CNTNAP5: variants seen among roughly 807,000 people sequenced by gnomAD.
The protein encoded by CNTNAP5 is contactin-associated protein-like 5.
In CNTNAP5, 72 loss-of-function variants were observed where a neutral mutation model predicts 150.2. The ratio of observed to expected loss-of-function variants is 0.48; its 90% CI spans 0.40 to 0.58. The LOEUF (loss-of-function observed/expected upper bound fraction) is 0.58, where lower values mean the gene tolerates loss of function less well. Ranked by LOEUF, CNTNAP5 falls within the 20% of genes least tolerant of loss-of-function variation. The pLI, the probability that CNTNAP5 is intolerant of heterozygous loss-of-function variation, is 0.00. For missense variants in CNTNAP5, 1,636 were observed against 1,626.2 expected, an observed-to-expected ratio of 1.01 and a Z score of -0.10; for synonymous variants, 672 against 619.8, an observed-to-expected ratio of 1.08 and a Z score of -1.25.
chr2:124,297,519 T>C (rs1688464293), intron 3 of CNTNAP5, among the ~76,000 whole-genome samples: 1 of 152,136 alleles, frequency 6.6e-6, no homozygotes, highest in Admixed American at 6.5e-5. Flanking sequence ...TTTTTTCCAA[T>C]CAAAAAGTTC....
At chr2:124,780,628 T>C (rs966062410) in intron 17 of CNTNAP5, among the ~76,000 whole-genome samples, 2 of 152,256 alleles carry the variant, frequency 1.3e-5, no homozygotes, top group Non-Finnish European at 2.9e-5. Flanking sequence ...TTCTCACTGC[T>C]ATTATTTTCC....
At chr2:124,648,619 T>C (rs1678255460) in intron 13 of CNTNAP5, among the ~76,000 whole-genome samples, 1 of 152,170 alleles carries the variant, frequency 6.6e-6, no homozygotes, top group Non-Finnish European at 1.5e-5. Flanking sequence ...ATTTAGTTAT[T>C]AACATGCTTT....
chr2:124,142,359 A>G (rs374899737), intron 1 of CNTNAP5, among the ~76,000 whole-genome samples: 1 of 150,216 alleles, frequency 6.7e-6, no homozygotes, highest in South Asian at 2.1e-4. Context: ...ACCACACCAC[A>G]CCTATTCCAA....
At chr2:124,662,353 G>A (rs1338906536) in intron 13 of CNTNAP5, among the ~76,000 whole-genome samples, 4 of 152,092 alleles carry the variant, frequency 2.6e-5, no homozygotes, top group Admixed American at 1.3e-4. Context: ...CAATAATAGG[G>A]TTGTTGGGTC....
At chr2:124,656,871 C>T (rs995975754) in intron 13 of CNTNAP5, among the ~76,000 whole-genome samples, 4 of 152,134 alleles carry the variant, frequency 2.6e-5, no homozygotes, top group Non-Finnish European at 4.4e-5. Context: ...GGTACAGTGG[C>T]AGCACAATGG....
At chr2:124,818,862 T>C (rs545027277) in intron 19 of CNTNAP5, among the ~76,000 whole-genome samples, 2 of 152,350 alleles carry the variant, frequency 1.3e-5, no homozygotes, top group East Asian at 1.9e-4. Flanking sequence ...TTTTTTCACC[T>C]ACTGTCATAG....
intron 14 of CNTNAP5, among the ~76,000 whole-genome samples, chr2:124,759,518 A>G: frequency 6.8e-6 from 1 of 147,896 alleles, no homozygotes; most frequent in Admixed American, 6.7e-5. Context: ...TGGTATTTTT[A>G]AAATCAGTTT....
At chr2:124,258,663 A>T (rs1280209153) in intron 3 of CNTNAP5, among the ~76,000 whole-genome samples, 1 of 152,152 alleles carries the variant, frequency 6.6e-6, no homozygotes, top group East Asian at 1.9e-4. Context: ...CTAGGGACAT[A>T]GGCAGTTGTG....
intron 19 of CNTNAP5, among the ~76,000 whole-genome samples, chr2:124,821,163 T>A (rs1322830277): frequency 6.6e-6 from 1 of 152,178 alleles, no homozygotes; most frequent in Non-Finnish European, 1.5e-5. Flanking sequence ...TAATACAACC[T>A]ACATTAATAC....
chr2:124,495,159 G>A (rs1474620199), intron 7 of CNTNAP5, among the ~76,000 whole-genome samples: 1 of 151,940 alleles, frequency 6.6e-6, no homozygotes, highest in Non-Finnish European at 1.5e-5. Flanking sequence ...ACTAGTGGTG[G>A]CAAAATAGTT....
chr2:124,821,109 G>A (rs976003222), intron 19 of CNTNAP5, among the ~76,000 whole-genome samples: 1 of 152,176 alleles, frequency 6.6e-6, no homozygotes, highest in African/African-American at 2.4e-5. Context: ...GCCAGGGTGT[G>A]TAATTACCTT....
intron 6 of CNTNAP5, among the ~76,000 whole-genome samples, chr2:124,454,782 C>T (rs111974626): frequency 0.021 from 3,140 of 152,158 alleles, 109 homozygotes; most frequent in African/African-American, 0.07. Context: ...ATAACCCACT[C>T]CTGAATGATC....
intron 7 of CNTNAP5, among the ~76,000 whole-genome samples, chr2:124,476,488 AT>A (rs1693643896): frequency 6.6e-6 from 1 of 152,036 alleles, no homozygotes; most frequent in Non-Finnish European, 1.5e-5. Flanking sequence ...CTGGAATGTG[AT>A]GAAAGTCCTG....
At chr2:124,607,940 C>T (rs768617737) in intron 11 of CNTNAP5, among the ~76,000 whole-genome samples, 30 of 152,336 alleles carry the variant, frequency 2.0e-4, no homozygotes, top group Admixed American at 1.2e-3. Context: ...GGCACTCCCA[C>T]ATACCTCCTG....
chr2:124,388,716 A>T (rs1690998733), intron 3 of CNTNAP5, among the ~76,000 whole-genome samples: 1 of 151,650 alleles, frequency 6.6e-6, no homozygotes, highest in African/African-American at 2.4e-5. Flanking sequence ...TGTTTTTGAG[A>T]TGGAGTCCTG....
intron 3 of CNTNAP5, among the ~76,000 whole-genome samples, chr2:124,417,019 C>T (rs538267646): frequency 6.7e-6 from 1 of 148,650 alleles, no homozygotes; most frequent in East Asian, 2.0e-4. Flanking sequence ...CTCACTGCAA[C>T]CTCCGCCTCC....
intron 11 of CNTNAP5, among the ~76,000 whole-genome samples, chr2:124,606,849 T>G (rs1677233139): frequency 6.6e-6 from 1 of 152,108 alleles, no homozygotes. Context: ...ACCAGGTTCC[T>G]CCCACAACAC....
At chr2:124,582,911 A>G (rs1372581636) in intron 11 of CNTNAP5, among the ~76,000 whole-genome samples, 2 of 152,210 alleles carry the variant, frequency 1.3e-5, no homozygotes, top group African/African-American at 4.8e-5. Flanking sequence ...AAAATTGCAG[A>G]AAATAAATAA....
At chr2:124,132,521 G>T (rs1683875451) in intron 1 of CNTNAP5, among the ~76,000 whole-genome samples, 1 of 152,076 alleles carries the variant, frequency 6.6e-6, no homozygotes, top group South Asian at 2.1e-4. Flanking sequence ...GAGACAACGA[G>T]GATCAACTTC....
Sources: allele counts gnomAD v4.1 joint callset (sites outside exome capture counted in the v4.1 genomes callset), GRCh38; gene constraint gnomAD v4.1.1; transcripts MANE v1.5; gene names NCBI Gene and HGNC (gene_info 2026-07-23, HGNC 2026-07-21).